The following CNTNAP2 variants were observed in gnomAD, a reference collection of about 807,000 sequenced individuals.
CNTNAP2 encodes the protein contactin associated protein 2, also known as contactin-associated protein-like 2.
In CNTNAP2, 98 loss-of-function variants were observed where a neutral mutation model predicts 155.2. That is an observed-to-expected ratio of 0.63 (90% confidence interval 0.54 to 0.75). The LOEUF (loss-of-function observed/expected upper bound fraction) is 0.75, where lower values mean the gene tolerates loss of function less well. CNTNAP2 is among the 30% of genes least tolerant of loss of function. CNTNAP2 has a pLI of 0.00. For synonymous variants in CNTNAP2, 651 were observed against 631.2 expected (o/e 1.03, Z -0.47); for missense variants, 1,727 against 1,688.1 (o/e 1.02, Z -0.40).
At chr7:147,927,144 T>C (rs182441147) in intron 14 of CNTNAP2, among the ~76,000 whole-genome samples, 127 of 152,302 alleles carry the variant, frequency 8.3e-4, no homozygotes, top group Admixed American at 3.2e-3. Flanking sequence ...TTCTATTTAG[T>C]TGTAGAATGA....
intron 8 of CNTNAP2, among the ~76,000 whole-genome samples, chr7:147,226,502 C>G (rs1318791204): frequency 6.7e-6 from 1 of 150,256 alleles, no homozygotes; most frequent in East Asian, 2.0e-4. Flanking sequence ...GGTAGGAGAT[C>G]AATGAGGAGC....
chr7:146,331,987 A>C (rs1801195566), intron 1 of CNTNAP2, among the ~76,000 whole-genome samples: 1 of 152,194 alleles, frequency 6.6e-6, no homozygotes, highest in African/African-American at 2.4e-5. Flanking sequence ...AGTAATCTTT[A>C]AATTCTCAGT....
chr7:148,116,570 G>C (rs1202630158), intron 15 of CNTNAP2, among the ~76,000 whole-genome samples: 1 of 152,142 alleles, frequency 6.6e-6, no homozygotes, highest in Non-Finnish European at 1.5e-5. Flanking sequence ...ATTTTAATAT[G>C]CCTAAGTTTA....
chr7:146,248,466 A>G (rs1399052467), intron 1 of CNTNAP2, among the ~76,000 whole-genome samples: 1 of 152,158 alleles, frequency 6.6e-6, no homozygotes, highest in Non-Finnish European at 1.5e-5. Flanking sequence ...ACACCAGGGG[A>G]AGGCTGCCTT....
chr7:147,883,249 A>G (rs1799552060), intron 13 of CNTNAP2, among the ~76,000 whole-genome samples: 1 of 152,096 alleles, frequency 6.6e-6, no homozygotes, highest in African/African-American at 2.4e-5. Flanking sequence ...TGCCCTCCCA[A>G]ATCAACCTGC....
At chr7:147,219,686 T>G (rs1356952588) in intron 8 of CNTNAP2, among the ~76,000 whole-genome samples, 1 of 152,238 alleles carries the variant, frequency 6.6e-6, no homozygotes, top group Non-Finnish European at 1.5e-5. Context: ...TTGCATCCTT[T>G]AATCCAATGA....
At chr7:146,284,648 AC>A (rs143247358) in intron 1 of CNTNAP2, among the ~76,000 whole-genome samples, 3,523 of 152,272 alleles carry the variant, frequency 0.023, 147 homozygotes, top group African/African-American at 0.08. Flanking sequence ...CTTCATTTTT[AC>A]TTTTTAAAAA....
chr7:147,695,349 CCT>C (rs1584904612), intron 13 of CNTNAP2, among the ~76,000 whole-genome samples: 2 of 152,036 alleles, frequency 1.3e-5, no homozygotes, highest in East Asian at 3.9e-4. Flanking sequence ...GTCGACTGTA[CCT>C]AGATGATCTA....
intron 16 of CNTNAP2, among the ~76,000 whole-genome samples, chr7:148,146,637 T>C (rs1395926348): frequency 6.6e-6 from 1 of 152,168 alleles, no homozygotes; most frequent in Non-Finnish European, 1.5e-5. Context: ...ATAACCAAGG[T>C]TTGCAACAGA....
intron 12 of CNTNAP2, among the ~76,000 whole-genome samples, chr7:147,571,665 T>C (rs1319779131): frequency 6.6e-6 from 1 of 152,130 alleles, no homozygotes; most frequent in Non-Finnish European, 1.5e-5. Context: ...CATGTAGAAA[T>C]GAGGACACAC....
chr7:146,556,223 A>G (rs1469541267), intron 1 of CNTNAP2, among the ~76,000 whole-genome samples: 1 of 152,090 alleles, frequency 6.6e-6, no homozygotes, highest in East Asian at 1.9e-4. Flanking sequence ...ACCTAAAACT[A>G]CTGTATTCCT....
chr7:146,456,869 A>G (rs180742073), intron 1 of CNTNAP2, among the ~76,000 whole-genome samples: 145 of 152,306 alleles, frequency 9.5e-4, no homozygotes, highest in African/African-American at 2.9e-3. Context: ...TGGGATAGAG[A>G]ACAGATCTAA....
intron 3 of CNTNAP2, among the ~76,000 whole-genome samples, chr7:146,843,595 A>C (rs1803784894): frequency 9.3e-6 from 1 of 107,728 alleles, no homozygotes; most frequent in Non-Finnish European, 2.0e-5. Flanking sequence ...CCTTACTAAT[A>C]CAAAAAAAAA....
At chr7:148,264,007 C>A (rs1480371353) in intron 20 of CNTNAP2, among the ~76,000 whole-genome samples, 1 of 152,114 alleles carries the variant, frequency 6.6e-6, no homozygotes, top group Admixed American at 6.6e-5. Flanking sequence ...GATTTCCCTT[C>A]GGTGCTCGCG....
intron 1 of CNTNAP2, among the ~76,000 whole-genome samples, chr7:146,437,070 G>C (rs578143831): frequency 6.6e-6 from 1 of 151,546 alleles, no homozygotes; most frequent in East Asian, 1.9e-4. Context: ...GAGCATTACT[G>C]TCTGAGCTCA....
intron 1 of CNTNAP2, among the ~76,000 whole-genome samples, chr7:146,415,159 C>T (rs1795921019): frequency 6.6e-6 from 1 of 152,022 alleles, no homozygotes; most frequent in Non-Finnish European, 1.5e-5. Context: ...GCACCACAGT[C>T]CATGAAGAAA....
At position 147,824,696 on chromosome 7, in the gene CNTNAP2, C is replaced by T. The variant is rs547690679; in HGVS notation, c.2099-78869C>T. Among the ~76,000 whole-genome samples, 68 of 149,052 alleles carry T rather than the reference C, an allele frequency of 4.6e-4. 1 individual carries two copies. In the South Asian group the frequency reaches 0.014, roughly 31 times the overall value. ...TACTTGAAAAAATTGTCCCAAAACA[C>T]AATATCACCCAAAAAAACCCTCTTT... On this transcript the variant is annotated intron_variant, in intron 13 of 23. Transcript: ENST00000361727.
chr7:147,677,671 A>G (rs1795890369), intron 13 of CNTNAP2, among the ~76,000 whole-genome samples: 1 of 151,652 alleles, frequency 6.6e-6, no homozygotes, highest in African/African-American at 2.4e-5. Flanking sequence ...TCAGTTTTTA[A>G]TCCATTTTAA....
intron 1 of CNTNAP2, among the ~76,000 whole-genome samples, chr7:146,467,522 C>A (rs1796733612): frequency 6.6e-6 from 1 of 152,058 alleles, no homozygotes; most frequent in Non-Finnish European, 1.5e-5. Context: ...CTTGGAACAG[C>A]CTGTTCAATA....
Sources: allele counts gnomAD v4.1 joint callset (sites outside exome capture counted in the v4.1 genomes callset), GRCh38; gene constraint gnomAD v4.1.1; transcripts MANE v1.5; gene names NCBI Gene and HGNC (gene_info 2026-07-23, HGNC 2026-07-21).